SORCS3: variants seen among roughly 807,000 people sequenced by gnomAD.
SORCS3 encodes the protein sortilin related VPS10 domain containing receptor 3.
In SORCS3, 57 loss-of-function variants were observed where a neutral mutation model predicts 146.3. The observed-to-expected ratio is 0.39, with a 90% CI of 0.31 to 0.49. SORCS3 has a LOEUF of 0.49. Among genes scored for constraint, SORCS3 ranks in the 20% least tolerant of loss-of-function variants. SORCS3 has a pLI of 0.92. For missense variants in SORCS3, 1,341 were observed against 1,575.5 expected (o/e 0.85, Z 2.52); for synonymous variants, 653 against 618.5 (o/e 1.06, Z -0.83).
chr10:105,009,527 C>CAAAAAAAAAAAAAAAAAA (rs35368294), intron 4 of SORCS3, among the ~76,000 whole-genome samples: 5 of 105,152 alleles, frequency 4.8e-5, no homozygotes, highest in Admixed American at 1.1e-4. Flanking sequence ...AACAAACAAA[C>CAAAAAAAAAAAAAAAAAA]AAAAAAAAAA....
At chr10:105,080,178 G>C (rs182819535) in intron 5 of SORCS3, among the ~76,000 whole-genome samples, 1 of 152,012 alleles carries the variant, frequency 6.6e-6, no homozygotes, top group Non-Finnish European at 1.5e-5. Flanking sequence ...TCATACCAAC[G>C]TGCATAGGTA....
At chr10:105,048,834 C>T (rs1328479452) in intron 5 of SORCS3, among the ~76,000 whole-genome samples, 1 of 152,030 alleles carries the variant, frequency 6.6e-6, no homozygotes, top group Admixed American at 6.6e-5. Context: ...TAAATATATA[C>T]ATGTGAGTGT....
At chr10:104,814,159 A>C (rs755202457) in intron 1 of SORCS3, among the ~76,000 whole-genome samples, 6 of 152,252 alleles carry the variant, frequency 3.9e-5, no homozygotes, top group Admixed American at 6.5e-5. Flanking sequence ...GTCTCAAGAC[A>C]CAAGGGGGGA....
chr10:104,969,086 C>T (rs559763428), intron 3 of SORCS3, among the ~76,000 whole-genome samples: 24 of 152,248 alleles, frequency 1.6e-4, no homozygotes, highest in Non-Finnish European at 2.5e-4. Context: ...ATACAATACA[C>T]GTATTTTACC....
rs7092026 is a variant in SORCS3 at position 105,134,358 on chromosome 10, C to T, written c.1213-5039C>T. On this transcript the variant is annotated intron_variant, in intron 7 of 26. Transcript: ENST00000369701. ...TTATTATTATGTATCCGCTGGTCAT[C>T]TGCCAGAAGATCAGCTCTCTCAGTC... Among the ~76,000 whole-genome samples the T allele has an allele frequency of 7.3e-4, 111 of 152,260 alleles. 4 individuals carry two copies. The South Asian group carries it at 0.022, about 30-fold the overall frequency.
chr10:104,880,256 G>A (rs2018617621), intron 2 of SORCS3, among the ~76,000 whole-genome samples: 1 of 152,158 alleles, frequency 6.6e-6, no homozygotes, highest in Non-Finnish European at 1.5e-5. Context: ...AACAATAAAA[G>A]CCATTGTTAC....
At chr10:104,833,662 G>A (rs1397644851) in intron 1 of SORCS3, among the ~76,000 whole-genome samples, 1 of 152,132 alleles carries the variant, frequency 6.6e-6, no homozygotes, top group African/African-American at 2.4e-5. Flanking sequence ...ATCTCTAAAT[G>A]CTGACATGCC....
chr10:104,926,528 A>G (rs2019148758), intron 3 of SORCS3, among the ~76,000 whole-genome samples: 1 of 152,206 alleles, frequency 6.6e-6, no homozygotes, highest in Non-Finnish European at 1.5e-5. Flanking sequence ...AGAACCAGAA[A>G]AGACTCCTTG....
intron 5 of SORCS3, among the ~76,000 whole-genome samples, chr10:105,079,548 T>G (rs2055609643): frequency 6.6e-6 from 1 of 152,208 alleles, no homozygotes; most frequent in Non-Finnish European, 1.5e-5. Context: ...TCTTTTTTAA[T>G]TGGTCTCAAT....
intron 1 of SORCS3, among the ~76,000 whole-genome samples, chr10:104,720,673 T>G (rs1417505855): frequency 6.6e-6 from 1 of 152,216 alleles, no homozygotes; most frequent in Non-Finnish European, 1.5e-5. Flanking sequence ...CCCTTCTAAC[T>G]GGTGTGAGAT....
Position 105,157,219 on chromosome 10 carries a change from AG to A in SORCS3, c.1567del (p.Asp523IlefsTer12). The A allele has an allele frequency of 6.2e-7, 1 of 1,614,106 alleles. No homozygotes were observed. The highest frequency in any genetic ancestry group is 8.5e-7 in the Non-Finnish European group (1 of 1,179,964). ...GACATACATCACTTACAACAAAGGC[AG>A]GGATTGGCGCCTGCTGCAAGCTCCG... ...VKTYITYNKGRDWRLLQAPDV... is the reference protein window; with the variant it reads ...VKTYITYNKGXDWRLLQAPDV... On this transcript the variant is annotated frameshift_variant, in exon 10 of 27. Coordinates refer to ENST00000369701, the MANE Select transcript of SORCS3 (RefSeq NM_014978.3). LOFTEE classifies it high-confidence loss of function.
chr10:104,790,538 T>C (rs2017484700), intron 1 of SORCS3, among the ~76,000 whole-genome samples: 1 of 152,164 alleles, frequency 6.6e-6, no homozygotes, highest in Non-Finnish European at 1.5e-5. Context: ...TGAAGTCTTC[T>C]CCAATGCTCC....
At chr10:104,842,903 C>T (rs1304649741) in intron 2 of SORCS3, 44 bp downstream of exon 2, 5 of 1,508,974 alleles carry the variant, frequency 3.3e-6, no homozygotes, top group Non-Finnish European at 3.7e-6. Context: ...TGGCTTGGCT[C>T]ACATGAGAAA....
chr10:105,139,327 G>C (rs2056079236), intron 7 of SORCS3, 70 bp from the exon 8 acceptor site: 2 of 1,138,514 alleles, frequency 1.8e-6, no homozygotes, highest in Non-Finnish European at 2.7e-6. Flanking sequence ...TGATAGAAGA[G>C]CTAATACTTT....
chr10:104,856,797 A>G (rs2018339581), intron 2 of SORCS3, among the ~76,000 whole-genome samples: 1 of 145,074 alleles, frequency 6.9e-6, no homozygotes, highest in African/African-American at 2.5e-5. Flanking sequence ...TAGTATATAT[A>G]AATATATATT....
chr10:104,912,612 G>A (rs927111728), intron 2 of SORCS3, among the ~76,000 whole-genome samples: 1 of 152,188 alleles, frequency 6.6e-6, no homozygotes, highest in Non-Finnish European at 1.5e-5. Flanking sequence ...CTTGTGAGTA[G>A]GTTTGGACAA....
At position 105,142,120 on chromosome 10, in the gene SORCS3, G is replaced by A. The variant is rs1237759823; in HGVS notation, c.1302+2634G>A. Among the ~76,000 whole-genome samples the A allele has an allele frequency of 3.9e-5, 6 of 152,098 alleles. No individual in the cohort carries two copies. The South Asian group carries it at 8.3e-4, about 21-fold the overall frequency. On this transcript the variant is annotated intron_variant, in intron 8 of 26. Transcript: ENST00000369701. ...TTAAACCCTCACTTTACCACGCTGAGCCTGATATACCCTCTTTTGTCTCTT... is the reference window on the plus strand; with the variant it reads ...TTAAACCCTCACTTTACCACGCTGAACCTGATATACCCTCTTTTGTCTCTT...
chr10:105,222,170 T>C (rs917748607), intron 19 of SORCS3, among the ~76,000 whole-genome samples: 2 of 150,490 alleles, frequency 1.3e-5, no homozygotes, highest in African/African-American at 4.9e-5. Flanking sequence ...GTGATTCTCC[T>C]GCCTCAGCCT....
intron 2 of SORCS3, among the ~76,000 whole-genome samples, chr10:104,887,207 TA>T (rs948683946): frequency 6.6e-6 from 1 of 152,188 alleles, no homozygotes; most frequent in Non-Finnish European, 1.5e-5. Flanking sequence ...GACTTCAGGA[TA>T]AAAAATGGTA....
Sources: allele counts gnomAD v4.1 joint callset (sites outside exome capture counted in the v4.1 genomes callset), GRCh38; gene constraint gnomAD v4.1.1; transcripts MANE v1.5; gene names NCBI Gene and HGNC (gene_info 2026-07-23, HGNC 2026-07-21).